The following CACNA1S variants were observed in gnomAD, a reference collection of about 807,000 sequenced individuals.
CACNA1S encodes the protein calcium voltage-gated channel subunit alpha1 S.
In CACNA1S, 126 loss-of-function variants were observed where a neutral mutation model predicts 207.4. That is an observed-to-expected ratio of 0.61 (90% CI 0.53 to 0.70). The LOEUF (loss-of-function observed/expected upper bound fraction) is 0.70, where lower values mean the gene tolerates loss of function less well. CACNA1S is among the 30% of genes least tolerant of loss of function. The probability of loss-of-function intolerance (pLI) is 0.00; values close to 1 mark genes in which losing one functional copy is unlikely to be tolerated. For missense variants in CACNA1S, 2,349 were observed against 2,422.8 expected, an observed-to-expected ratio of 0.97 and a Z score of 0.64; for synonymous variants, 960 against 932.7, an observed-to-expected ratio of 1.03 and a Z score of -0.53.
chr1:201,074,359 T>G, intron 14 of CACNA1S, 147 bp downstream of exon 14: 1 of 694,338 alleles, frequency 1.4e-6, no homozygotes, highest in East Asian at 2.7e-5. Context: ...CACCCCCATG[T>G]GCAGGTTACA....
At chr1:201,068,743 A>G (rs1044929676) in intron 19 of CACNA1S, among the ~76,000 whole-genome samples, 2 of 149,886 alleles carry the variant, frequency 1.3e-5, no homozygotes, top group Non-Finnish European at 1.5e-5. Context: ...GTGGTGGCAG[A>G]CGCCTGTAAT....
chr1:201,108,349 C>A (rs150799223), intron 2 of CACNA1S, among the ~76,000 whole-genome samples: 1 of 152,124 alleles, frequency 6.6e-6, no homozygotes. Context: ...GATTTCTTCA[C>A]GTCTCAGCCT....
intron 33 of CACNA1S, among the ~76,000 whole-genome samples, 195 bp downstream of exon 33, chr1:201,050,789 G>C (rs950862797): frequency 1.3e-5 from 2 of 152,054 alleles, no homozygotes; most frequent in Non-Finnish European, 2.9e-5. Flanking sequence ...AGCCTCTCTG[G>C]AGTATGAAAA....
chr1:201,063,541 G>C (rs910683735), intron 22 of CACNA1S, among the ~76,000 whole-genome samples: 2 of 152,064 alleles, frequency 1.3e-5, no homozygotes, highest in African/African-American at 4.8e-5. Flanking sequence ...CGCCCGCCTC[G>C]GCTTCCCAAA....
Position 201,052,583 on chromosome 1 carries a change from G to A in CACNA1S, c.3927C>T (p.Phe1309=). The change falls in exon 32 of 44, where the codon TTC becomes TTT. Residue 1309 remains phenylalanine, a synonymous_variant. Coordinates refer to ENST00000362061, the MANE Select transcript of CACNA1S (RefSeq NM_000069.3). ...QINRNNNFQT[F]PQAVLLLFRC... is the part of the protein sequence containing the mutation. Reference sequence around the variant, plus strand: ...TGAAGAGCAGTAGCACAGCTTGTGGGAAGGTCTGGAAGTTGTTGTTCCGGT... The same window carrying A: ...TGAAGAGCAGTAGCACAGCTTGTGGAAAGGTCTGGAAGTTGTTGTTCCGGT... 1.9e-6 allele frequency: 3 copies of A among 1,613,938 alleles called. No homozygotes were observed. Among genetic ancestry groups the A allele is most frequent in the Non-Finnish European group, 2.5e-6 (3 of 1,179,898 alleles).
chr1:201,111,982 C>A (rs1243090635), intron 1 of CACNA1S, among the ~76,000 whole-genome samples: 1 of 148,018 alleles, frequency 6.8e-6, no homozygotes, highest in Non-Finnish European at 1.5e-5. Flanking sequence ...CCCCCACCCT[C>A]CTCGTCTTCC....
chr1:201,040,580 G>T, intron 42 of CACNA1S, 42 bp downstream of exon 42: 6 of 1,569,642 alleles, frequency 3.8e-6, no homozygotes, highest in Non-Finnish European at 5.3e-6. Flanking sequence ...GCCAGGCAGG[G>T]TCTCTGTATG....
intron 40 of CACNA1S, among the ~76,000 whole-genome samples, chr1:201,042,490 G>A (rs893028702): frequency 2.6e-5 from 4 of 152,146 alleles, no homozygotes; most frequent in Non-Finnish European, 4.4e-5. Context: ...CCAACAAGAC[G>A]ACAACCCCCT....
rs76527745 is a variant in CACNA1S at position 201,053,652 on chromosome 1, G to C, written c.3667-65C>G. 1 of 1,512,382 alleles carries C rather than the reference G, an allele frequency of 6.6e-7. No homozygotes were observed. Among genetic ancestry groups the C allele is most frequent in the Non-Finnish European group, 9.2e-7 (1 of 1,090,656 alleles). 93.7% of individuals were successfully genotyped at this position (1,512,382 alleles called of 1,614,324 possible). A position where few individuals can be genotyped will look rare whatever the true frequency, so the allele number is the denominator to read the frequency against. The stretch of plus-strand genomic sequence containing the variant: ...ACCTCAGAGGGGTAAGGGGCAGGGC[G>C]GGGAGGGAGGTGCACTGTGTGTTTT... On this transcript the variant is annotated intron_variant, in intron 29 of 43. Transcript: ENST00000362061. This position sits in a 1 kb window ranked among gnomAD's most constrained non-coding sequence, Gnocchi z 5.1.
chr1:201,062,326 G>A, intron 23 of CACNA1S, 136 bp downstream of exon 23: 1 of 1,017,950 alleles, frequency 9.8e-7, no homozygotes, highest in Middle Eastern at 3.0e-4. Flanking sequence ...CCAACACACA[G>A]TCCCCTGCCC....
At chr1:201,071,060 GA>G (rs760138418) in intron 16 of CACNA1S, among the ~76,000 whole-genome samples, 3 of 152,172 alleles carry the variant, frequency 2.0e-5, no homozygotes, top group Non-Finnish European at 4.4e-5. Context: ...TGAGTCTCAT[GA>G]CCTCAAGAGG....
Position 201,050,425 on chromosome 1 carries a change from A to T in CACNA1S, c.4205T>A (p.Phe1402Tyr). Residue 1402 changes from phenylalanine to tyrosine, a missense_variant, in exon 34 of 44, where the codon TTC becomes TAC. Physicochemically the swap from Phe to Tyr is conservative, Grantham distance 22. Transcript: ENST00000362061. ...SILGPHHLDE[F>Y]KAIWAEYDPE... ...GTCATACTCTGCCCAGATGGCCTTG[A>T]ACTCATCCAGGTGATGAGGGCCCAG... 6.2e-7 allele frequency: 1 copy of T among 1,614,068 alleles called. No homozygotes were observed. The highest frequency in any genetic ancestry group is 8.5e-7 in the Non-Finnish European group (1 of 1,179,986).
chr1:201,045,876 G>A (rs867396568), intron 38 of CACNA1S, among the ~76,000 whole-genome samples: 1 of 151,986 alleles, frequency 6.6e-6, no homozygotes, highest in Non-Finnish European at 1.5e-5. Flanking sequence ...CTTGAAATAT[G>A]CATTAAAGTG....
At position 201,112,212 on chromosome 1, in the gene CACNA1S, G is replaced by A; in HGVS notation, c.128C>T (p.Ala43Val). ...CTTCCATTCTACAATGCTGATGCAG[G>A]CCTTCCTCAGGGGGTTCTCCAGGGT... ...CLTLENPLRK[A>V]CISIVEWKPF... is the part of the protein sequence containing the mutation. The change falls in exon 1 of 44, where the codon GCC becomes GTC. Residue 43 changes from alanine (A) to valine (V), a missense_variant. Transcript: ENST00000362061. 3 of 1,613,878 alleles carry A rather than the reference G, an allele frequency of 1.9e-6. No individual in the cohort carries two copies. Among genetic ancestry groups the A allele is most frequent in the South Asian group, 2.2e-5 (2 of 91,074 alleles).
rs746222695 is a variant in CACNA1S at position 201,076,935 on chromosome 1, G to A, written c.1812C>T (p.Leu604=). The change falls in exon 12 of 44, where the codon CTC becomes CTT. Residue 604 remains leucine, a synonymous_variant. Coordinates refer to ENST00000362061, the MANE Select transcript of CACNA1S (RefSeq NM_000069.3). ...RSNFDNFPQA[L]ISVFQVLTGE... ...GAGAGCCTACCTGGAAGACGCTGAT[G>A]AGGGCTTGGGGAAAGTTGTCAAAGT... 6.2e-7 allele frequency: 1 copy of A among 1,614,228 alleles called. No individual in the cohort carries two copies. Among genetic ancestry groups the A allele is most frequent in the Admixed American group, 1.7e-5 (1 of 60,038 alleles).
intron 19 of CACNA1S, among the ~76,000 whole-genome samples, chr1:201,067,751 C>T (rs1396615663): frequency 7.2e-5 from 11 of 152,172 alleles, no homozygotes. Context: ...CAGTGAAGGC[C>T]TGTCCAACTT....
intron 32 of CACNA1S, among the ~76,000 whole-genome samples, chr1:201,052,119 T>G (rs1660675150): frequency 6.6e-6 from 1 of 152,150 alleles, no homozygotes; most frequent in African/African-American, 2.4e-5. Context: ...AAGCTCTAGC[T>G]CCTGTGCCCT....
intron 42 of CACNA1S, 37 bp from the exon 43 acceptor site, chr1:201,040,411 G>C: frequency 1.2e-6 from 2 of 1,609,338 alleles, no homozygotes; most frequent in Non-Finnish European, 1.7e-6. Context: ...CCCCGACAGG[G>C]GTGCTGGAGC....
chr1:201,106,692 C>G (rs974464432), intron 2 of CACNA1S, among the ~76,000 whole-genome samples: 2 of 152,164 alleles, frequency 1.3e-5, no homozygotes, highest in Non-Finnish European at 2.9e-5. Context: ...TCCTCCTAAT[C>G]TTCCCCCTCC....
Sources: gnomAD v4.1 joint callset for allele counts (sites outside exome capture counted in the v4.1 genomes callset) on GRCh38, gnomAD v4.1.1 for gene constraint, Gnocchi (gnomAD v3.1) non-coding constraint, MANE v1.5 for transcripts, NCBI Gene and HGNC (gene_info 2026-07-23, HGNC 2026-07-21) for gene names.